Variants in ZNF592 observed in about 807,000 individuals in gnomAD.
ZNF592 encodes the protein spinocerebellar ataxia, autosomal recessive 5.
ZNF592 carries 11 observed loss-of-function variants against 80.3 expected under a neutral mutation model. The ratio of observed to expected loss-of-function variants is 0.14; its 90% CI spans 0.09 to 0.23. The LOEUF (loss-of-function observed/expected upper bound fraction) is 0.23. ZNF592 is among the 10% of genes least tolerant of loss of function. The pLI is 1.00. For synonymous variants in ZNF592, 646 were observed against 640.3 expected, an observed-to-expected ratio of 1.01 and a Z score of -0.13; for missense variants, 1,420 against 1,633.9, an observed-to-expected ratio of 0.87 and a Z score of 2.26.
At chr15:84,748,968 G>A (rs1457298038) in intron 1 of ZNF592, among the ~76,000 whole-genome samples, 5 of 151,898 alleles carry the variant, frequency 3.3e-5, no homozygotes, top group African/African-American at 1.2e-4. Context: ...CGCGCTGGGC[G>A]GGACGTGCGG....
chr15:84,754,955 C>T (rs1340911524), intron 1 of ZNF592, among the ~76,000 whole-genome samples: 2 of 148,354 alleles, frequency 1.3e-5, no homozygotes, highest in African/African-American at 2.5e-5. Context: ...ATTGCAATCC[C>T]CTGAGTTGTT....
At chr15:84,760,892 C>T (rs1231783695) in intron 1 of ZNF592, among the ~76,000 whole-genome samples, 1 of 152,090 alleles carries the variant, frequency 6.6e-6, no homozygotes, top group Non-Finnish European at 1.5e-5. Context: ...TAGCCCTGGT[C>T]TTAGGCCTAG....
At chr15:84,800,504 A>G (rs1963061385) in intron 10 of ZNF592, among the ~76,000 whole-genome samples, 1 of 152,106 alleles carries the variant, frequency 6.6e-6, no homozygotes, top group African/African-American at 2.4e-5. Flanking sequence ...TCCTCACTCC[A>G]GCCTCTCTCC....
At chr15:84,766,597 A>G (rs1010692590) in intron 2 of ZNF592, among the ~76,000 whole-genome samples, 3 of 151,740 alleles carry the variant, frequency 2.0e-5, no homozygotes, top group African/African-American at 7.3e-5. Context: ...CAGGAGCTGG[A>G]GAGTTGGGGG....
At chr15:84,766,549 G>A (rs1899526962) in intron 2 of ZNF592, among the ~76,000 whole-genome samples, 1 of 152,040 alleles carries the variant, frequency 6.6e-6, no homozygotes, top group Admixed American at 6.6e-5. Context: ...GAGAGGGGAA[G>A]GAGAGAAGAG....
intron 5 of ZNF592, among the ~76,000 whole-genome samples, chr15:84,793,679 T>C (rs1225241715): frequency 6.6e-6 from 1 of 152,220 alleles, no homozygotes; most frequent in Non-Finnish European, 1.5e-5. Context: ...AGAAACCTCA[T>C]ATCCACCACT....
Position 84,783,726 on chromosome 15 carries a change from A to G in ZNF592, c.1051A>G (p.Ser351Gly), listed in dbSNP as rs1262723317. ...KSIKPSDSPR[S>G]ICSDSSSKGS... ...TATCAAGCCATCGGACAGCCCTCGT[A>G]GCATCTGCAGTGACAGCAGCAGCAA... The change falls in exon 4 of 11, where the codon AGC (serine) becomes GGC (glycine). Residue 351 changes from serine (S) to glycine (G), a missense_variant. Coordinates refer to ENST00000560079, the MANE Select transcript of ZNF592 (RefSeq NM_014630.3). The surrounding 1 kb of genome is among the most constrained non-coding windows in gnomAD (Gnocchi z 5.0). 1 of 1,614,266 alleles carries G rather than the reference A, an allele frequency of 6.2e-7. No individual in the cohort carries two copies. Among genetic ancestry groups the G allele is most frequent in the Non-Finnish European group, 8.5e-7 (1 of 1,180,040 alleles).
At chr15:84,760,955 C>G (rs1170412449) in intron 1 of ZNF592, among the ~76,000 whole-genome samples, 1 of 151,366 alleles carries the variant, frequency 6.6e-6, no homozygotes, top group Non-Finnish European at 1.5e-5. Context: ...ATATGGTAGG[C>G]TACAGGAAGA....
intron 3 of ZNF592, among the ~76,000 whole-genome samples, chr15:84,781,942 G>T (rs183335357): frequency 6.6e-6 from 1 of 152,240 alleles, no homozygotes; most frequent in East Asian, 1.9e-4. Flanking sequence ...TAGAATTTAG[G>T]CTTCCCCCAA....
intron 1 of ZNF592, among the ~76,000 whole-genome samples, chr15:84,758,270 G>A (rs2141961442): frequency 6.6e-6 from 1 of 152,126 alleles, no homozygotes; most frequent in East Asian, 1.9e-4. Context: ...ACAGCGCCCG[G>A]CCCCGTTAAT....
intron 1 of ZNF592, among the ~76,000 whole-genome samples, chr15:84,763,163 C>A (rs911683169): frequency 1.3e-5 from 2 of 152,128 alleles, no homozygotes; most frequent in Non-Finnish European, 2.9e-5. Context: ...CAGGCAGGAG[C>A]CTGAGTGCCA....
At chr15:84,777,270 A>G (rs1962281818) in intron 2 of ZNF592, among the ~76,000 whole-genome samples, 1 of 152,022 alleles carries the variant, frequency 6.6e-6, no homozygotes, top group South Asian at 2.1e-4. Context: ...TGAGGTCAGG[A>G]GTTTGAGACC....
chr15:84,752,494 A>C (rs1016064276), intron 1 of ZNF592, among the ~76,000 whole-genome samples: 1 of 152,196 alleles, frequency 6.6e-6, no homozygotes, highest in African/African-American at 2.4e-5. Flanking sequence ...TTACAGGCAA[A>C]TAAGATTGAG....
chr15:84,756,820 A>C lies in ZNF592; in HGVS notation c.-258-7887A>C, dbSNP rs118182884. 7.0e-3 allele frequency among the ~76,000 whole-genome samples: 1,059 copies of C among 152,148 alleles called. 11 individuals carry two copies. The highest frequency in any genetic ancestry group is 0.012 in the Non-Finnish European group (797 of 68,006). On this transcript the variant is annotated intron_variant, in intron 1 of 10. Coordinates refer to ENST00000560079, the MANE Select transcript of ZNF592 (RefSeq NM_014630.3). ...AGGCTCAAACGATCCTCCCTTTAAA[A>C]ATTTTTTTTTGCTAGGCACAGTGGC...
intron 5 of ZNF592, among the ~76,000 whole-genome samples, chr15:84,792,444 G>T (rs545370481): frequency 6.6e-6 from 1 of 152,154 alleles, no homozygotes; most frequent in Non-Finnish European, 1.5e-5. Flanking sequence ...CTGTCTTGGG[G>T]TAAACATTTT....
rs776744587 is a variant in ZNF592, at chr15:84,784,182, G to A, written c.1507G>A (p.Val503Met). ...LAPANLLPKAVHLANLNLVPH... is the reference protein window; with the variant it reads ...LAPANLLPKAMHLANLNLVPH... ...CCCTGCCAACCTCCTGCCCAAAGCC[G>A]TGCACTTGGCCAACCTGAACCTCGT... Residue 503 changes from valine (V) to methionine (M), a missense_variant, in exon 4 of 11, where the codon GTG becomes ATG. Physicochemically the swap from Val to Met is conservative, Grantham distance 21. Transcript: ENST00000560079. This position sits in a 1 kb window ranked among gnomAD's most constrained non-coding sequence, Gnocchi z 5.8. 11 of 1,614,026 alleles carry A rather than the reference G, an allele frequency of 6.8e-6. No individual in the cohort carries two copies. The highest frequency in any genetic ancestry group is 2.2e-5 in the South Asian group (2 of 91,086).
intron 1 of ZNF592, among the ~76,000 whole-genome samples, chr15:84,756,940 C>T (rs1281972097): frequency 3.3e-5 from 5 of 151,844 alleles, no homozygotes; most frequent in East Asian, 1.9e-4. Context: ...GGTGAAACCC[C>T]GTCTCTACTA....
chr15:84,793,743 C>T (rs1479806975), intron 5 of ZNF592, among the ~76,000 whole-genome samples: 1 of 152,144 alleles, frequency 6.6e-6, no homozygotes, highest in Admixed American at 6.5e-5. Flanking sequence ...TGTCTCATAG[C>T]TCTTCTGGAC....
chr15:84,772,676 A>G (rs1359699063), intron 2 of ZNF592, among the ~76,000 whole-genome samples: 1 of 152,232 alleles, frequency 6.6e-6, no homozygotes, highest in African/African-American at 2.4e-5. Context: ...ACAGGTTGTG[A>G]AACATCCATC....
Sources: allele counts gnomAD v4.1 joint callset (sites outside exome capture counted in the v4.1 genomes callset), GRCh38; gene constraint gnomAD v4.1.1; non-coding constraint Gnocchi (gnomAD v3.1); transcripts MANE v1.5; gene names NCBI Gene and HGNC (gene_info 2026-07-23, HGNC 2026-07-21).